The following EYA4 variants were observed in gnomAD, a reference collection of about 807,000 sequenced individuals.
EYA4 encodes the protein protein phosphatase EYA4.
Under a neutral mutation model 87.9 loss-of-function variants are expected in EYA4, and 31 were observed. That is an observed-to-expected ratio of 0.35 (90% CI 0.27 to 0.48). EYA4 has a LOEUF of 0.48. EYA4 is among the 20% of genes least tolerant of loss of function. EYA4 has a pLI of 0.99. For synonymous variants in EYA4, 263 were observed against 270.6 expected, an observed-to-expected ratio of 0.97 and a Z score of 0.28; for missense variants, 678 against 761.4, an observed-to-expected ratio of 0.89 and a Z score of 1.29.
chr6:133,277,855 A>G (rs1223073381), intron 2 of EYA4, among the ~76,000 whole-genome samples: 4 of 151,978 alleles, frequency 2.6e-5, no homozygotes, highest in African/African-American at 9.6e-5. Flanking sequence ...AGCTTTGTCC[A>G]CTCTTAATGT....
Position 133,528,945 on chromosome 6 carries a change from G to A in EYA4, c.*140G>A, listed in dbSNP as rs1048316782. 44 of 1,533,776 alleles carry A rather than the reference G, an allele frequency of 2.9e-5. No individual in the cohort carries two copies. The highest frequency in any genetic ancestry group is 2.2e-4 in the Middle Eastern group (1 of 4,622). On this transcript the variant is annotated 3_prime_UTR_variant, in exon 20 of 20. Coordinates refer to ENST00000355286, the MANE Select transcript of EYA4 (RefSeq NM_004100.5). ...TTTGGAATAAAAATTCCAGAATGAAGAATTCAGATTGCTGAATGGAGTTAA... is the reference window on the plus strand; with the variant it reads ...TTTGGAATAAAAATTCCAGAATGAAAAATTCAGATTGCTGAATGGAGTTAA...
chr6:133,502,384 G>T (rs1300856035), intron 13 of EYA4: 1 of 151,976 alleles, frequency 6.6e-6, no homozygotes, highest in Non-Finnish European at 1.5e-5. Context: ...GATTCATAAG[G>T]TGCCCATAAT....
intron 3 of EYA4, among the ~76,000 whole-genome samples, chr6:133,390,249 T>G (rs1412663756): frequency 6.6e-6 from 1 of 152,176 alleles, no homozygotes; most frequent in African/African-American, 2.4e-5. Flanking sequence ...AGACAGACTT[T>G]CGCTGTGTCA....
intron 13 of EYA4, among the ~76,000 whole-genome samples, chr6:133,504,315 A>C (rs1055954190): frequency 6.6e-6 from 1 of 152,228 alleles, no homozygotes; most frequent in African/African-American, 2.4e-5. Flanking sequence ...TGGTTCTGTC[A>C]CTGGAAGACG....
At chr6:133,478,504 C>A (rs937723923) in intron 11 of EYA4, among the ~76,000 whole-genome samples, 4 of 151,922 alleles carry the variant, frequency 2.6e-5, no homozygotes, top group Non-Finnish European at 5.9e-5. Flanking sequence ...AACTGCTATC[C>A]CAGGCTAGAA....
intron 5 of EYA4, among the ~76,000 whole-genome samples, chr6:133,454,403 A>G (rs1023262125): frequency 6.6e-6 from 1 of 152,172 alleles, no homozygotes; most frequent in Non-Finnish European, 1.5e-5. Context: ...CATACAGACA[A>G]AAGGAATTCT....
rs538719811 is a variant in EYA4 at position 133,299,943 on chromosome 6, C to CTA, written c.33+25132_33+25133dup. On this transcript the variant is annotated intron_variant, in intron 2 of 19. Coordinates refer to ENST00000355286, the MANE Select transcript of EYA4 (RefSeq NM_004100.5). ...TAAAGATCTCTATCTATCTATCTATCTATCTATCTATCTATATATATATAT... is the reference window on the plus strand; with the variant it reads ...TAAAGATCTCTATCTATCTATCTATCTATATCTATCTATCTATATATATATAT... Among the ~76,000 whole-genome samples, 197 of 135,872 alleles carry CTA rather than the reference C, an allele frequency of 1.4e-3. 2 individuals carry two copies. The highest frequency in any genetic ancestry group is 5.1e-3 in the South Asian group (22 of 4,300). The allele number at this position is 135,872 out of a possible 152,430, so 89.1% of individuals were successfully genotyped here. A position where few individuals can be genotyped will look rare whatever the true frequency, so the allele number is the denominator to read the frequency against.
intron 13 of EYA4, among the ~76,000 whole-genome samples, chr6:133,501,254 A>T (rs1798090228): frequency 6.6e-6 from 1 of 151,892 alleles, no homozygotes; most frequent in South Asian, 2.1e-4. Context: ...TTCATAGCTC[A>T]TCACCACCTG....
chr6:133,331,557 G>T (rs563442890), intron 2 of EYA4, among the ~76,000 whole-genome samples: 1 of 152,202 alleles, frequency 6.6e-6, no homozygotes, highest in African/African-American at 2.4e-5. Context: ...TGGGCACAAG[G>T]CATCATTAAT....
At chr6:133,294,021 TTTTATATATATA>T (rs1562257364) in intron 2 of EYA4, among the ~76,000 whole-genome samples, 3 of 35,644 alleles carry the variant, frequency 8.4e-5, no homozygotes, top group African/African-American at 3.6e-4. Flanking sequence ...CCTAGGGTGA[TTTTATATATATA>T]TATATATATA....
intron 11 of EYA4, among the ~76,000 whole-genome samples, chr6:133,480,640 A>G (rs73544982): frequency 0.048 from 7,264 of 152,050 alleles, 542 homozygotes; most frequent in African/African-American, 0.15. Flanking sequence ...TATTGAGTCA[A>G]TTAACACATT....
chr6:133,377,741 G>A (rs772967366), intron 2 of EYA4, among the ~76,000 whole-genome samples: 4 of 151,872 alleles, frequency 2.6e-5, no homozygotes, highest in Non-Finnish European at 5.9e-5. Context: ...TTCCTTTAAT[G>A]ACTGATGTAT....
At chr6:133,374,599 T>G (rs1467057995) in intron 2 of EYA4, among the ~76,000 whole-genome samples, 2 of 152,062 alleles carry the variant, frequency 1.3e-5, no homozygotes, top group African/African-American at 4.8e-5. Flanking sequence ...TTTCTTTGAA[T>G]GGAAGTAGAT....
chr6:133,294,039 A>ATATATATATATATATATG (rs1562257541), intron 2 of EYA4, among the ~76,000 whole-genome samples: 1 of 86,400 alleles, frequency 1.2e-5, no homozygotes, highest in African/African-American at 4.3e-5. Context: ...ATATATATAT[A>ATATATATATATATATATG]TATATATATA....
intron 3 of EYA4, among the ~76,000 whole-genome samples, chr6:133,411,311 G>C (rs1416285104): frequency 6.6e-6 from 1 of 152,090 alleles, no homozygotes; most frequent in Non-Finnish European, 1.5e-5. Flanking sequence ...AATTTTTATG[G>C]AGCGGGACCC....
intron 11 of EYA4, among the ~76,000 whole-genome samples, chr6:133,470,836 T>G (rs933642216): frequency 2.5e-5 from 2 of 81,388 alleles, no homozygotes; most frequent in African/African-American, 5.1e-5. Context: ...CCTAGGTATT[T>G]TATTCTCTTT....
At chr6:133,462,502 C>G (rs549145418) in intron 8 of EYA4, 25 bp downstream of exon 8, 1 of 1,613,890 alleles carries the variant, frequency 6.2e-7, no homozygotes, top group South Asian at 1.1e-5. Context: ...CTGTTTTCTT[C>G]TTTGGTTATA....
At chr6:133,393,465 G>T (rs1787482322) in intron 3 of EYA4, among the ~76,000 whole-genome samples, 2 of 152,018 alleles carry the variant, frequency 1.3e-5, no homozygotes, top group African/African-American at 4.8e-5. Context: ...AATGGTTGTG[G>T]TTTTAAATTG....
At chr6:133,500,169 T>C (rs1322660466) in intron 13 of EYA4, among the ~76,000 whole-genome samples, 1 of 151,874 alleles carries the variant, frequency 6.6e-6, no homozygotes, top group Admixed American at 6.6e-5. Context: ...CGTTTGTACA[T>C]TGGACTCACT....
Sources: allele counts gnomAD v4.1 joint callset (sites outside exome capture counted in the v4.1 genomes callset), GRCh38; gene constraint gnomAD v4.1.1; transcripts MANE v1.5; gene names NCBI Gene and HGNC (gene_info 2026-07-23, HGNC 2026-07-21).